RBFOX1: variants seen among roughly 807,000 people sequenced by gnomAD.
The protein encoded by RBFOX1 is RNA binding protein fox-1 homolog 1.
Under a neutral mutation model 57.7 loss-of-function variants are expected in RBFOX1, and 8 were observed. The ratio of observed to expected loss-of-function variants is 0.14; its 90% CI spans 0.08 to 0.25. The LOEUF is 0.25. Ranked by LOEUF, RBFOX1 falls within the 10% of genes least tolerant of loss-of-function variation. The pLI is 1.00. For missense variants in RBFOX1, 611 were observed against 548.5 expected (o/e 1.11, Z -1.14); for synonymous variants, 326 against 222.4 (o/e 1.47, Z -4.15).
intron 4 of RBFOX1, among the ~76,000 whole-genome samples, chr16:7,168,874 A>C (rs2080111529): frequency 1.3e-5 from 2 of 152,190 alleles, no homozygotes; most frequent in Admixed American, 1.3e-4. Context: ...AAATAGGAGG[A>C]GTGTGCCTCT....
At chr16:6,895,293 C>G (rs1379724282) in intron 3 of RBFOX1, among the ~76,000 whole-genome samples, 1 of 151,044 alleles carries the variant, frequency 6.6e-6, no homozygotes, top group Non-Finnish European at 1.5e-5. Flanking sequence ...CTGGATAGCT[C>G]TAAAAAATAT....
chr16:7,389,617 T>A (rs956750388), intron 4 of RBFOX1, among the ~76,000 whole-genome samples: 6 of 152,130 alleles, frequency 3.9e-5, no homozygotes, highest in African/African-American at 1.4e-4. Context: ...CTAAAAACAA[T>A]AATAAGCATA....
exon 3 of RBFOX1, chr16:5,599,262 T>G (rs1156770517): frequency 1.5e-6 from 1 of 669,254 alleles, no homozygotes; most frequent in Non-Finnish European, 2.7e-6. Context: ...AGGCTGCAAA[T>G]TGGTCCCTCT....
intron 3 of RBFOX1, among the ~76,000 whole-genome samples, chr16:7,048,951 G>A (rs527669839): frequency 2.2e-4 from 34 of 152,224 alleles, no homozygotes; most frequent in Admixed American, 1.9e-3. Context: ...TATCAGTTCT[G>A]TTGGGTGTCT....
chr16:6,641,043 T>C (rs1006005972), intron 2 of RBFOX1, among the ~76,000 whole-genome samples: 1 of 152,184 alleles, frequency 6.6e-6, no homozygotes, highest in Non-Finnish European at 1.5e-5. Context: ...AACTCACCGT[T>C]CTGCATCCCA....
chr16:6,047,874 A>G (rs960948279), intron 1 of RBFOX1, among the ~76,000 whole-genome samples: 3 of 152,204 alleles, frequency 2.0e-5, no homozygotes, highest in African/African-American at 7.2e-5. Flanking sequence ...TTAGAGAGAT[A>G]AAGTGATTTT....
chr16:6,623,090 C>T (rs992770908), intron 2 of RBFOX1, among the ~76,000 whole-genome samples: 1 of 152,282 alleles, frequency 6.6e-6, no homozygotes, highest in African/African-American at 2.4e-5. Flanking sequence ...CTGCTGTGTC[C>T]CTTGAAGTAT....
At chr16:6,215,857 A>G (rs1241909291) in intron 1 of RBFOX1, among the ~76,000 whole-genome samples, 1 of 152,162 alleles carries the variant, frequency 6.6e-6, no homozygotes, top group Admixed American at 6.5e-5. Flanking sequence ...CCCAGTATGA[A>G]TCAACTCGCC....
chr16:6,177,186 G>GT (rs569428293), intron 1 of RBFOX1, among the ~76,000 whole-genome samples: 5,457 of 128,534 alleles, frequency 0.042, 138 homozygotes, highest in Admixed American at 0.087. Flanking sequence ...TTTCTTGTTT[G>GT]TTTTTTTTTT....
chr16:5,264,452 G>A (rs1306267802), intron 1 of RBFOX1, among the ~76,000 whole-genome samples: 5 of 152,118 alleles, frequency 3.3e-5, no homozygotes, highest in African/African-American at 1.2e-4. Context: ...AAATGTTCAT[G>A]GGTCAAGGAT....
chr16:5,268,544 C>A (rs2062919777), intron 1 of RBFOX1, among the ~76,000 whole-genome samples: 1 of 152,232 alleles, frequency 6.6e-6, no homozygotes, highest in Admixed American at 6.5e-5. Context: ...CAGGTCCAAT[C>A]CACACTTCTT....
At chr16:5,435,461 C>A (rs949601132) in intron 1 of RBFOX1, among the ~76,000 whole-genome samples, 1 of 152,066 alleles carries the variant, frequency 6.6e-6, no homozygotes, top group African/African-American at 2.4e-5. Context: ...GTAGGGCTAT[C>A]CTGAAGGGAA....
chr16:5,599,155 C>T (rs2047283201), exon 3 of RBFOX1: 1 of 709,650 alleles, frequency 1.4e-6, no homozygotes, highest in East Asian at 2.7e-5. Flanking sequence ...GGGCCGTATT[C>T]CCAGCCTCTG....
chr16:5,241,872 G>A (rs749085331), intron 1 of RBFOX1, among the ~76,000 whole-genome samples: 1 of 151,880 alleles, frequency 6.6e-6, no homozygotes, highest in Non-Finnish European at 1.5e-5. Flanking sequence ...AGGCCGAAGG[G>A]GGAGGATCGC....
intron 4 of RBFOX1, among the ~76,000 whole-genome samples, chr16:5,998,855 T>C (rs1263538924): frequency 6.6e-6 from 1 of 152,246 alleles, no homozygotes; most frequent in Non-Finnish European, 1.5e-5. Context: ...AGTCAGATTT[T>C]AATCCATTTA....
intron 3 of RBFOX1, among the ~76,000 whole-genome samples, chr16:5,720,667 A>G (rs1272000115): frequency 6.6e-6 from 1 of 152,326 alleles, no homozygotes; most frequent in South Asian, 2.1e-4. Flanking sequence ...CAGTTCTGAC[A>G]TCATTTGTTG....
chr16:6,020,642 C>G (rs879268233), intron 1 of RBFOX1, among the ~76,000 whole-genome samples: 29 of 152,174 alleles, frequency 1.9e-4, no homozygotes, highest in Non-Finnish European at 3.5e-4. Context: ...AGAACCTTCA[C>G]CCCAGAGAAG....
intron 2 of RBFOX1, among the ~76,000 whole-genome samples, chr16:5,546,002 A>G (rs2045186407): frequency 6.6e-6 from 1 of 152,174 alleles, no homozygotes; most frequent in Admixed American, 6.5e-5. Context: ...TAATTATACA[A>G]AAAGCCATTG....
intron 14 of RBFOX1, among the ~76,000 whole-genome samples, chr16:7,691,426 C>T (rs777723738): frequency 8.4e-4 from 110 of 130,262 alleles, no homozygotes; most frequent in Non-Finnish European, 1.5e-3. Flanking sequence ...AGAGAAAGAA[C>T]GGAAAGAAAA....
Sources: allele counts gnomAD v4.1 joint callset (sites outside exome capture counted in the v4.1 genomes callset), GRCh38; gene constraint gnomAD v4.1.1; transcripts MANE v1.5; gene names NCBI Gene and HGNC (gene_info 2026-07-23, HGNC 2026-07-21).